CLSTN2: variants seen among roughly 807,000 people sequenced by gnomAD.
CLSTN2 encodes the protein calsyntenin-2.
A neutral mutation model predicts 101.2 loss-of-function variants in CLSTN2; 48 were observed. The ratio of observed to expected loss-of-function variants is 0.47; its 90% CI spans 0.38 to 0.60. The LOEUF (loss-of-function observed/expected upper bound fraction) is 0.60. Ranked by LOEUF, CLSTN2 falls within the 20% of genes least tolerant of loss-of-function variation. The pLI is 0.00. For synonymous variants in CLSTN2, 481 were observed against 463.6 expected (o/e 1.04, Z -0.48); for missense variants, 1,160 against 1,238.2 (o/e 0.94, Z 0.95).
At chr3:140,035,102 T>A (rs1450359434) in intron 1 of CLSTN2, among the ~76,000 whole-genome samples, 1 of 152,264 alleles carries the variant, frequency 6.6e-6, no homozygotes, top group Non-Finnish European at 1.5e-5. Context: ...GTTTTCTGCC[T>A]AATTATACAT....
At chr3:140,432,501 G>T (rs954597664) in intron 5 of CLSTN2, among the ~76,000 whole-genome samples, 2 of 152,186 alleles carry the variant, frequency 1.3e-5, no homozygotes, top group Non-Finnish European at 2.9e-5. Context: ...GCTGCTAAGG[G>T]GATTGCTCAG....
intron 1 of CLSTN2, among the ~76,000 whole-genome samples, chr3:140,156,495 G>A (rs1270440493): frequency 6.6e-6 from 1 of 152,080 alleles, no homozygotes; most frequent in African/African-American, 2.4e-5. Flanking sequence ...ATTCTATATG[G>A]CAGCTCTGAG....
chr3:140,024,736 G>A (rs2007384256), intron 1 of CLSTN2, among the ~76,000 whole-genome samples: 1 of 152,156 alleles, frequency 6.6e-6, no homozygotes, highest in South Asian at 2.1e-4. Flanking sequence ...TCCAAATCTT[G>A]GCTTATAGCC....
intron 2 of CLSTN2, among the ~76,000 whole-genome samples, chr3:140,214,152 A>G (rs1349225136): frequency 6.6e-6 from 1 of 152,144 alleles, no homozygotes; most frequent in Non-Finnish European, 1.5e-5. Context: ...CTATAAAAAA[A>G]AAATAGGCTA....
At chr3:140,273,151 T>C (rs2086759981) in intron 2 of CLSTN2, among the ~76,000 whole-genome samples, 1 of 152,016 alleles carries the variant, frequency 6.6e-6, no homozygotes, top group Non-Finnish European at 1.5e-5. Flanking sequence ...GGTTGGAAGA[T>C]ATACTCATTT....
chr3:140,466,121 A>T (rs534416171), intron 7 of CLSTN2, among the ~76,000 whole-genome samples: 1 of 152,308 alleles, frequency 6.6e-6, no homozygotes, highest in Admixed American at 6.5e-5. Flanking sequence ...TCTGCTTCAT[A>T]TAGATTAGGT....
At chr3:140,140,167 C>T (rs115387797) in intron 1 of CLSTN2, among the ~76,000 whole-genome samples, 97 of 152,176 alleles carry the variant, frequency 6.4e-4, no homozygotes, top group African/African-American at 2.1e-3. Flanking sequence ...CAGGGGCCAC[C>T]GTTTGAGAAC....
chr3:140,298,385 G>C (rs984092068), intron 2 of CLSTN2, among the ~76,000 whole-genome samples: 2 of 152,216 alleles, frequency 1.3e-5, no homozygotes, highest in Non-Finnish European at 2.9e-5. Flanking sequence ...CATTAGACCG[G>C]AAGGAAATAA....
intron 2 of CLSTN2, among the ~76,000 whole-genome samples, chr3:140,326,248 A>G (rs1051911404): frequency 6.6e-6 from 1 of 152,188 alleles, no homozygotes; most frequent in African/African-American, 2.4e-5. Context: ...ATAAATCTTC[A>G]TGTCCTTGTC....
chr3:139,985,625 G>A (rs1403734486), intron 1 of CLSTN2, among the ~76,000 whole-genome samples: 1 of 152,154 alleles, frequency 6.6e-6, no homozygotes, highest in Non-Finnish European at 1.5e-5. Context: ...GCTCTCATCA[G>A]TTCTCAAAGA....
At chr3:140,411,653 A>G (rs897795478) in intron 4 of CLSTN2, among the ~76,000 whole-genome samples, 1 of 152,268 alleles carries the variant, frequency 6.6e-6, no homozygotes, top group Admixed American at 6.5e-5. Flanking sequence ...AAGATCACAT[A>G]TTAGGTCATT....
intron 2 of CLSTN2, among the ~76,000 whole-genome samples, chr3:140,266,793 G>T (rs866988698): frequency 6.6e-6 from 1 of 152,182 alleles, no homozygotes; most frequent in Admixed American, 6.5e-5. Flanking sequence ...GACCCAAGCC[G>T]TGGGTCCATT....
chr3:140,287,913 T>C (rs966098590), intron 2 of CLSTN2, among the ~76,000 whole-genome samples: 1 of 152,282 alleles, frequency 6.6e-6, no homozygotes, highest in South Asian at 2.1e-4. Context: ...GAGAGAGAGA[T>C]AAACTGATGA....
At chr3:140,231,582 G>A (rs920118998) in intron 2 of CLSTN2, among the ~76,000 whole-genome samples, 1 of 152,132 alleles carries the variant, frequency 6.6e-6, no homozygotes, top group African/African-American at 2.4e-5. Flanking sequence ...TGAGGCACTC[G>A]ATAGAGGCCT....
intron 2 of CLSTN2, among the ~76,000 whole-genome samples, chr3:140,305,104 T>C (rs1176459449): frequency 6.6e-6 from 1 of 151,592 alleles, no homozygotes; most frequent in Non-Finnish European, 1.5e-5. Flanking sequence ...TCTATGGTGA[T>C]ACTCTCTCTC....
intron 1 of CLSTN2, among the ~76,000 whole-genome samples, chr3:140,029,708 G>A (rs2007506696): frequency 6.6e-6 from 1 of 152,108 alleles, no homozygotes; most frequent in Non-Finnish European, 1.5e-5. Context: ...CTAAAATTTT[G>A]TAAATTTTAA....
At chr3:140,522,522 G>A (rs1935051453) in intron 8 of CLSTN2, among the ~76,000 whole-genome samples, 1 of 152,282 alleles carries the variant, frequency 6.6e-6, no homozygotes, top group East Asian at 1.9e-4. Flanking sequence ...TCTGTCCATT[G>A]TCATCTAAAC....
chr3:140,546,857 C>T (rs1245281002), intron 10 of CLSTN2, among the ~76,000 whole-genome samples, 176 bp downstream of exon 10: 1 of 152,176 alleles, frequency 6.6e-6, no homozygotes, highest in Non-Finnish European at 1.5e-5. Flanking sequence ...ACCATGACTT[C>T]CACAATGGGC....
At chr3:140,160,566 C>G (rs1476614277) in intron 1 of CLSTN2, among the ~76,000 whole-genome samples, 1 of 152,084 alleles carries the variant, frequency 6.6e-6, no homozygotes, top group East Asian at 1.9e-4. Context: ...CTGGACTGTT[C>G]TAGGCCAGTG....
Sources: allele counts gnomAD v4.1 joint callset (sites outside exome capture counted in the v4.1 genomes callset), GRCh38; gene constraint gnomAD v4.1.1; transcripts MANE v1.5; gene names NCBI Gene and HGNC (gene_info 2026-07-23, HGNC 2026-07-21).